Variants in DACH1 observed in about 807,000 individuals in gnomAD.
DACH1 encodes the protein dachshund family transcription factor 1.
In DACH1, 12 loss-of-function variants were observed where a neutral mutation model predicts 54.2. The ratio of observed to expected loss-of-function variants is 0.22; its 90% CI spans 0.14 to 0.36. The LOEUF is 0.36. Ranked by LOEUF, DACH1 falls within the 10% of genes least tolerant of loss-of-function variation. DACH1 has a pLI of 1.00. For missense variants in DACH1, 805 were observed against 929.8 expected, an observed-to-expected ratio of 0.87 and a Z score of 1.75; for synonymous variants, 386 against 366.2, an observed-to-expected ratio of 1.05 and a Z score of -0.62.
At chr13:71,591,005 A>C (rs1873674992) in intron 3 of DACH1, among the ~76,000 whole-genome samples, 1 of 150,430 alleles carries the variant, frequency 6.6e-6, no homozygotes, top group Admixed American at 6.7e-5. Flanking sequence ...CTACCTCCCA[A>C]GTAGCTGGGA....
chr13:71,468,916 G>A (rs1311726582), intron 10 of DACH1, among the ~76,000 whole-genome samples: 1 of 152,304 alleles, frequency 6.6e-6, no homozygotes, highest in Admixed American at 6.5e-5. Flanking sequence ...AGCAGGAAAG[G>A]AAACATTTTT....
At chr13:71,499,136 GACACACAC>G (rs3075798) in intron 6 of DACH1, among the ~76,000 whole-genome samples, 1 of 149,198 alleles carries the variant, frequency 6.7e-6, no homozygotes, top group South Asian at 2.1e-4. Context: ...CACACACGCA[GACACACAC>G]ACACACACAC....
At chr13:71,645,463 A>C (rs1878201975) in intron 2 of DACH1, among the ~76,000 whole-genome samples, 1 of 152,218 alleles carries the variant, frequency 6.6e-6, no homozygotes. Flanking sequence ...AGCCTGAGGT[A>C]CATTTAGAAG....
At chr13:71,819,494 T>C (rs955103945) in intron 1 of DACH1, among the ~76,000 whole-genome samples, 2 of 152,198 alleles carry the variant, frequency 1.3e-5, no homozygotes, top group African/African-American at 2.4e-5. Context: ...TGGTCTGGGA[T>C]TGACAGTCTG....
chr13:71,623,468 A>G (rs2138549293), intron 3 of DACH1, among the ~76,000 whole-genome samples: 1 of 151,870 alleles, frequency 6.6e-6, no homozygotes, highest in East Asian at 1.9e-4. Context: ...AGGTAGAAAA[A>G]GTGGCATCAT....
rs142804459 is a variant in DACH1 at position 71,753,770 on chromosome 13, T to C, written c.849-71860A>G. 5.9e-5 allele frequency among the ~76,000 whole-genome samples: 9 copies of C among 152,316 alleles called. No homozygotes were observed. In the East Asian group the frequency reaches 1.7e-3, roughly 29 times the overall value. On this transcript the variant is annotated intron_variant, in intron 1 of 10. Coordinates refer to ENST00000613252, the MANE Select transcript of DACH1 (RefSeq NM_080759.6). ...GTTTATTCTTTTTTGGATTATTCCA[T>C]ATTTCCTTTTTAAAACCAAAGTCAC...
intron 1 of DACH1, among the ~76,000 whole-genome samples, chr13:71,775,158 TAA>T (rs1886014410): frequency 2.4e-5 from 3 of 125,464 alleles, no homozygotes; most frequent in African/African-American, 8.9e-5. Context: ...TTTTTTTTTT[TAA>T]ATTAGCTAGG....
chr13:71,529,193 T>G lies in DACH1; in HGVS notation c.1570+27831A>C, dbSNP rs1050381714. Among the ~76,000 whole-genome samples the G allele has an allele frequency of 6.8e-5, 10 of 146,312 alleles. No homozygotes were observed. The East Asian group carries it at 1.2e-3, about 17-fold the overall frequency. On this transcript the variant is annotated intron_variant, in intron 6 of 10. Coordinates refer to ENST00000613252, the MANE Select transcript of DACH1 (RefSeq NM_080759.6). ...AATATTGTGATTTGGGTTTTTTTTT[T>G]TTTTTTTTTTTGAGGCAGAATCTCG... is the stretch of plus-strand genomic sequence containing the variant.
At chr13:71,519,957 G>T (rs1002634268) in intron 6 of DACH1, among the ~76,000 whole-genome samples, 2 of 132,720 alleles carry the variant, frequency 1.5e-5, no homozygotes, top group African/African-American at 5.4e-5. Context: ...CTTTGAACAG[G>T]AATCAAGACA....
rs1424111025 is a variant in DACH1 at position 71,737,080 on chromosome 13, G to A, written c.849-55170C>T. Among the ~76,000 whole-genome samples, 8 of 151,926 alleles carry A rather than the reference G, an allele frequency of 5.3e-5. No homozygotes were observed. In the South Asian group the frequency reaches 6.2e-4, roughly 12 times the overall value. On this transcript the variant is annotated intron_variant, in intron 1 of 10. Transcript: ENST00000613252. ...AGCCTGGCCAACATGGTGAAACCCC[G>A]TCTCTACTAAAAATACAAAAATTAG...
intron 1 of DACH1, 43 bp from the exon 2 acceptor site, chr13:71,681,953 C>CGTAGCT: frequency 8.3e-7 from 1 of 1,207,986 alleles, no homozygotes; most frequent in South Asian, 1.3e-5. Context: ...AAGCTATTGT[C>CGTAGCT]TTACACATCA....
chr13:71,585,143 G>C (rs1873140542), intron 3 of DACH1, among the ~76,000 whole-genome samples: 1 of 152,048 alleles, frequency 6.6e-6, no homozygotes, highest in South Asian at 2.1e-4. Flanking sequence ...GATAGCAATG[G>C]ACAAAGCAGA....
chr13:71,734,980 G>GAT (rs373427572), intron 1 of DACH1, among the ~76,000 whole-genome samples: 93,570 of 144,384 alleles, frequency 0.65, 35,436 homozygotes, highest in Non-Finnish European at 0.86. Context: ...ACACACACAG[G>GAT]ATATATATAT....
At chr13:71,526,492 G>A (rs577264659) in intron 6 of DACH1, among the ~76,000 whole-genome samples, 39 of 152,020 alleles carry the variant, frequency 2.6e-4, no homozygotes, top group African/African-American at 7.7e-4. Flanking sequence ...ATATCTTCTG[G>A]TATCTATTTC....
intron 3 of DACH1, among the ~76,000 whole-genome samples, chr13:71,586,504 G>C (rs1873289038): frequency 6.6e-6 from 1 of 152,056 alleles, no homozygotes; most frequent in Non-Finnish European, 1.5e-5. Flanking sequence ...TAGGAAAACA[G>C]TGTAATACTC....
chr13:71,553,078 G>GGGATTAGACATATATCCATATATGT, intron 6 of DACH1, among the ~76,000 whole-genome samples: 1 of 146,158 alleles, frequency 6.8e-6, no homozygotes, highest in Non-Finnish European at 1.5e-5. Context: ...ATATATATGT[G>GGGATTAGACATATATCCATATATGT]GGATTAGACA....
intron 10 of DACH1, among the ~76,000 whole-genome samples, chr13:71,469,262 G>A (rs1876858864): frequency 6.6e-6 from 1 of 151,832 alleles, no homozygotes; most frequent in African/African-American, 2.4e-5. Flanking sequence ...CTATTTTAAT[G>A]AGTAAATACT....
chr13:71,636,414 A>C (rs1231498844), intron 2 of DACH1, among the ~76,000 whole-genome samples: 1 of 152,068 alleles, frequency 6.6e-6, no homozygotes, highest in South Asian at 2.1e-4. Flanking sequence ...TTGAGATCCT[A>C]GGCAGTGAAT....
chr13:71,851,068 T>C (rs1357759944), intron 1 of DACH1, among the ~76,000 whole-genome samples: 6 of 152,234 alleles, frequency 3.9e-5, no homozygotes, highest in Non-Finnish European at 8.8e-5. Context: ...CAGAAATCTT[T>C]ACTGAAAGGA....
Sources: gnomAD v4.1 joint callset for allele counts (sites outside exome capture counted in the v4.1 genomes callset) on GRCh38, gnomAD v4.1.1 for gene constraint, MANE v1.5 for transcripts, NCBI Gene and HGNC (gene_info 2026-07-23, HGNC 2026-07-21) for gene names.